Variants in PCM1 observed in about 807,000 individuals in gnomAD.
PCM1 encodes pericentriolar material 1 protein.
PCM1 carries 157 observed loss-of-function variants against 241.9 expected under a neutral mutation model. The ratio of observed to expected loss-of-function variants is 0.65; its 90% CI spans 0.57 to 0.74. The LOEUF is 0.74. PCM1 is among the 30% of genes least tolerant of loss of function. PCM1 has a pLI of 0.00. For missense variants in PCM1, 3,478 were observed against 2,360.1 expected, an observed-to-expected ratio of 1.47 and a Z score of -9.81; for synonymous variants, 1,085 against 784.9, an observed-to-expected ratio of 1.38 and a Z score of -6.39.
At chr8:17,992,190 T>C (rs2084909812) in intron 28 of PCM1, among the ~76,000 whole-genome samples, 1 of 152,268 alleles carries the variant, frequency 6.6e-6, no homozygotes, top group Non-Finnish European at 1.5e-5. Flanking sequence ...CTGCAGATTG[T>C]GCTGCTATAA....
At position 18,011,386 on chromosome 8, in the gene PCM1, A is replaced by ACTAT. The variant is rs34273037; in HGVS notation, c.5350+23_5350+26dup. On this transcript the variant is annotated intron_variant, in intron 33 of 38. Coordinates refer to ENST00000325083, the MANE Select transcript of PCM1 (RefSeq NM_006197.4). ...CTATTAGTAAGTTTAAAGGCTCTGT[A>ACTAT]CTATCTTTATACTTTAGTTTTTTGT... 137,688 of 1,531,686 alleles carry ACTAT rather than the reference A, an allele frequency of 0.09. 10,061 individuals are homozygous for ACTAT. Among genetic ancestry groups the ACTAT allele is most frequent in the African/African-American group, 0.39 (27,500 of 71,232 alleles). The allele number at this position is 1,531,686 out of a possible 1,614,324, so 94.9% of individuals were successfully genotyped here. A position where few individuals can be genotyped will look rare whatever the true frequency, so the allele number is the denominator to read the frequency against.
chr8:17,960,029 C>A lies in PCM1; in HGVS notation c.2056C>A (p.Gln686Lys). 6.2e-7 allele frequency: 1 copy of A among 1,612,310 alleles called. No homozygotes were observed. Among genetic ancestry groups the A allele is most frequent in the Non-Finnish European group, 8.5e-7 (1 of 1,179,284 alleles). ...GCTCTTTCAGGATGATGATGCAGCTCAAGGAGTTATCTCTGCCAGTGCATC... is the reference window on the plus strand; with the variant it reads ...GCTCTTTCAGGATGATGATGCAGCTAAAGGAGTTATCTCTGCCAGTGCATC... The part of the protein sequence containing the change: ...VAMVQDDDAA[Q>K]GVISASASNL... The change falls in exon 14 of 39, where the codon CAA (glutamine) becomes AAA (lysine). Residue 686 changes from glutamine (Q) to lysine (K), a missense_variant. Transcript: ENST00000325083.
chr8:17,939,303 T>C (rs1459893237), intron 5 of PCM1, among the ~76,000 whole-genome samples: 1 of 152,186 alleles, frequency 6.6e-6, no homozygotes, highest in Non-Finnish European at 1.5e-5. Context: ...TTAATAGATT[T>C]TTGTAGGAAT....
At chr8:17,951,530 T>C (rs1175964671) in intron 8 of PCM1, among the ~76,000 whole-genome samples, 1 of 152,186 alleles carries the variant, frequency 6.6e-6, no homozygotes, top group African/African-American at 2.4e-5. Flanking sequence ...TCAACAGAAA[T>C]GGGCTAATGA....
At chr8:17,989,764 AC>A in intron 26 of PCM1, 94 bp from the exon 27 acceptor site, 1 of 878,856 alleles carries the variant, frequency 1.1e-6, no homozygotes, top group South Asian at 2.0e-5. Context: ...TTTTAAGTGT[AC>A]AATTTTATGT....
At position 17,950,806 on chromosome 8, in the gene PCM1, A is replaced by G. The variant is rs139249353; in HGVS notation, c.1071+82A>G. On this transcript the variant is annotated intron_variant, in intron 8 of 38. Transcript: ENST00000325083. The stretch of plus-strand genomic sequence containing the variant: ...GATTCAGAAACTTCAGTGAGCATAC[A>G]TATCACCTGGCATGATTGTTGAGCA... The G allele has an allele frequency of 3.1e-5, 24 of 783,166 alleles. No individual in the cohort carries two copies. The East Asian group carries it at 3.7e-4, about 12-fold the overall frequency. The allele number at this position is 783,166 out of a possible 1,614,324, so 48.5% of individuals were successfully genotyped here.
intron 36 of PCM1, among the ~76,000 whole-genome samples, chr8:18,016,193 A>ATTTTAT (rs1384165860): frequency 6.6e-6 from 1 of 152,062 alleles, no homozygotes; most frequent in African/African-American, 2.4e-5. Context: ...CAGCTGGGTA[A>ATTTTAT]TTTTATTTTT....
chr8:17,988,523 C>G (rs1008491293), intron 26 of PCM1, among the ~76,000 whole-genome samples: 4 of 151,716 alleles, frequency 2.6e-5, no homozygotes, highest in African/African-American at 9.7e-5. Context: ...AAAGCACTAA[C>G]TATAAAAGAA....
intron 34 of PCM1, among the ~76,000 whole-genome samples, chr8:18,013,169 G>A (rs1188975688): frequency 2.0e-5 from 3 of 152,278 alleles, no homozygotes; most frequent in Non-Finnish European, 4.4e-5. Flanking sequence ...TGCCTGGAGT[G>A]TATGAGCTTG....
chr8:17,924,769 G>C lies in PCM1; in HGVS notation c.-34G>C, dbSNP rs1344690603. ...AGCAGTTTCTGAGCTGCAAAAACTA[G>C]TTTCTAAACAGGTAATTTGACATTA... On this transcript the variant is annotated 5_prime_UTR_variant, in exon 2 of 39. Transcript: ENST00000325083. 6.6e-6 allele frequency: 1 copy of C among 152,170 alleles called. No individual in the cohort carries two copies. The highest frequency in any genetic ancestry group is 1.5e-5 in the Non-Finnish European group (1 of 68,022). The allele number at this position is 152,170 out of a possible 1,614,324, so 9.4% of individuals were successfully genotyped here.
intron 36 of PCM1, among the ~76,000 whole-genome samples, chr8:18,021,278 C>T (rs982102017): frequency 2.0e-5 from 3 of 152,088 alleles, no homozygotes; most frequent in African/African-American, 2.4e-5. Flanking sequence ...TGAAGAAAAA[C>T]GTTTCAGATT....
intron 38 of PCM1, among the ~76,000 whole-genome samples, chr8:18,026,975 A>G (rs368081618): frequency 3.3e-5 from 5 of 152,326 alleles, no homozygotes; most frequent in African/African-American, 1.2e-4. Context: ...GAGCCAAGCG[A>G]TAGTCTCAGA....
rs567445348 is a variant in PCM1, at chr8:17,963,635, T to C, written c.2654+344T>C. Among the ~76,000 whole-genome samples the C allele has an allele frequency of 1.2e-3, 177 of 152,320 alleles. 1 individual carries two copies. Among genetic ancestry groups the C allele is most frequent in the South Asian group, 1.0e-3 (5 of 4,828 alleles). On this transcript the variant is annotated intron_variant, in intron 17 of 38. Transcript: ENST00000325083. Reference sequence around the variant, plus strand: ...CTGTCAGGCCAGAAATAGGCCCTTTTTTGCTTAAATTGAGTATCTGCTGTT... The same window carrying C: ...CTGTCAGGCCAGAAATAGGCCCTTTCTTGCTTAAATTGAGTATCTGCTGTT...
chr8:17,989,848 C>T lies in PCM1; in HGVS notation c.4411-11C>T, dbSNP rs1452703186. On this transcript the variant is annotated splice_polypyrimidine_tract_variant and intron_variant, in intron 26 of 38. Coordinates refer to ENST00000325083, the MANE Select transcript of PCM1 (RefSeq NM_006197.4). Reference sequence around the variant, plus strand: ...GTATTAGTGATTTTTGTTTGTTTTACTGTAACTTAGGAAACTTTTGAGAAG... The same window carrying T: ...GTATTAGTGATTTTTGTTTGTTTTATTGTAACTTAGGAAACTTTTGAGAAG... 2 of 1,514,474 alleles carry T rather than the reference C, an allele frequency of 1.3e-6. No individual in the cohort carries two copies. The highest frequency in any genetic ancestry group is 1.8e-6 in the Non-Finnish European group (2 of 1,121,090). 93.8% of individuals were successfully genotyped at this position (1,514,474 alleles called of 1,614,324 possible). A position where few individuals can be genotyped will look rare whatever the true frequency, so the allele number is the denominator to read the frequency against.
intron 36 of PCM1, among the ~76,000 whole-genome samples, chr8:18,018,053 C>T (rs969428992): frequency 1.3e-5 from 2 of 152,166 alleles, no homozygotes; most frequent in African/African-American, 4.8e-5. Context: ...ATAAATCAGC[C>T]AGTCCCTTGG....
intron 22 of PCM1, among the ~76,000 whole-genome samples, chr8:17,970,354 T>C (rs898662703): frequency 6.6e-6 from 1 of 152,060 alleles, no homozygotes; most frequent in African/African-American, 2.4e-5. Flanking sequence ...TATTTCTCTT[T>C]AGCTATGTGA....
rs775053922 is a variant in PCM1, at chr8:17,966,435, C to G, written c.3183C>G (p.Cys1061Trp). 5 of 1,613,680 alleles carry G rather than the reference C, an allele frequency of 3.1e-6. No individual in the cohort carries two copies. Among genetic ancestry groups the G allele is most frequent in the Non-Finnish European group, 4.2e-6 (5 of 1,179,678 alleles). Residue 1061 changes from cysteine (C) to tryptophan (W), a missense_variant, in exon 20 of 39, where the codon TGC (cysteine) becomes TGG (tryptophan). Cys to Trp is a radical substitution (Grantham distance 215). Coordinates refer to ENST00000325083, the MANE Select transcript of PCM1 (RefSeq NM_006197.4). ...TCATAATGCACCAGTTGAACCAGTG[C>G]TATACTCAGCTAACATGGCAACAGA... is the stretch of plus-strand genomic sequence containing the variant. ...VHFIMHQLNQCYTQLTWQQNN... is the reference protein window; with the variant it reads ...VHFIMHQLNQWYTQLTWQQNN...
intron 38 of PCM1, among the ~76,000 whole-genome samples, chr8:18,027,085 G>A (rs2094286731): frequency 6.6e-6 from 1 of 152,160 alleles, no homozygotes; most frequent in African/African-American, 2.4e-5. Flanking sequence ...CAGTTCATCA[G>A]TTGATGAAAA....
chr8:17,959,938 G>C lies in PCM1; in HGVS notation c.2041-76G>C. 5 of 1,356,154 alleles carry C rather than the reference G, an allele frequency of 3.7e-6. No homozygotes were observed. In the East Asian group the frequency reaches 1.2e-4, roughly 32 times the overall value. 84.0% of individuals were successfully genotyped at this position (1,356,154 alleles called of 1,614,324 possible). ...CTTTTTATGTAAATTTTACAGACTA[G>C]TGGTATTTACTAAGGTATGAATTGG... On this transcript the variant is annotated intron_variant, in intron 13 of 38. Coordinates refer to ENST00000325083, the MANE Select transcript of PCM1 (RefSeq NM_006197.4).
Sources: gnomAD v4.1 joint callset for allele counts (sites outside exome capture counted in the v4.1 genomes callset) on GRCh38, gnomAD v4.1.1 for gene constraint, MANE v1.5 for transcripts, NCBI Gene and HGNC (gene_info 2026-07-23, HGNC 2026-07-21) for gene names.